The following GABRG3 variants were observed in gnomAD, a reference collection of about 807,000 sequenced individuals.
GABRG3 encodes gamma-aminobutyric acid type A receptor subunit gamma3.
A neutral mutation model predicts 48.8 loss-of-function variants in GABRG3; 25 were observed. The ratio of observed to expected loss-of-function variants is 0.51; its 90% CI spans 0.37 to 0.72. The LOEUF (loss-of-function observed/expected upper bound fraction) is 0.72. Ranked by LOEUF, GABRG3 falls within the 30% of genes least tolerant of loss-of-function variation. GABRG3 has a pLI of 0.00. For synonymous variants in GABRG3, 227 were observed against 217.6 expected (o/e 1.04, Z -0.38); for missense variants, 394 against 577.9 (o/e 0.68, Z 3.26).
At chr15:27,015,186 C>G (rs1038281724) in intron 2 of GABRG3, among the ~76,000 whole-genome samples, 2 of 152,076 alleles carry the variant, frequency 1.3e-5, no homozygotes, top group Admixed American at 6.6e-5. Context: ...CTCTTATAGA[C>G]AGCATACTCT....
chr15:27,408,678 G>T (rs958544443), intron 5 of GABRG3, among the ~76,000 whole-genome samples: 13 of 152,110 alleles, frequency 8.5e-5, no homozygotes, highest in African/African-American at 3.1e-4. Flanking sequence ...CGGGGTGACT[G>T]CAGAGGACAA....
At chr15:26,982,799 C>A (rs1895078496) in intron 2 of GABRG3, among the ~76,000 whole-genome samples, 1 of 152,154 alleles carries the variant, frequency 6.6e-6, no homozygotes, top group Non-Finnish European at 1.5e-5. Context: ...TTTTAACAAA[C>A]AACTAAACAT....
chr15:27,378,412 C>G (rs901567967), intron 5 of GABRG3, among the ~76,000 whole-genome samples: 29 of 152,104 alleles, frequency 1.9e-4, no homozygotes, highest in African/African-American at 6.8e-4. Context: ...CTTAGATAAT[C>G]AGGACTTTTG....
intron 6 of GABRG3, among the ~76,000 whole-genome samples, chr15:27,518,195 C>CAAAAAAAAAAAAAAAAAAAAAAA (rs58222645): frequency 1.1e-4 from 10 of 88,016 alleles, no homozygotes; most frequent in African/African-American, 4.3e-4. Flanking sequence ...ACTAAAAATA[C>CAAAAAAAAAAAAAAAAAAAAAAA]AAAAAAAAAA....
chr15:27,349,789 G>A (rs1894494247), intron 5 of GABRG3, among the ~76,000 whole-genome samples: 1 of 152,164 alleles, frequency 6.6e-6, no homozygotes, highest in Admixed American at 6.5e-5. Flanking sequence ...CATAGAGCCT[G>A]TGAATTTAGA....
intron 3 of GABRG3, among the ~76,000 whole-genome samples, chr15:27,225,432 G>T (rs1175121719): frequency 1.3e-5 from 2 of 152,094 alleles, no homozygotes; most frequent in Non-Finnish European, 2.9e-5. Context: ...TTACTTACAA[G>T]GGTGGGCTGC....
chr15:27,045,471 G>A (rs1238327138), intron 3 of GABRG3, among the ~76,000 whole-genome samples: 3 of 152,262 alleles, frequency 2.0e-5, no homozygotes, highest in African/African-American at 7.2e-5. Context: ...CCTTTCCGGT[G>A]TGCACCCAGC....
In GABRG3 at chr15:27,241,819, C is replaced by T. The variant is rs187021929; in HGVS notation, c.271-84990C>T. On this transcript the variant is annotated intron_variant, in intron 3 of 9. Coordinates refer to ENST00000615808, the MANE Select transcript of GABRG3 (RefSeq NM_033223.5). ...TTTCACTGTCATATGACATTATTGA[C>T]TTTGTGTTCTTTTAGTTTTTCTCAT... is the stretch of plus-strand genomic sequence containing the variant. Among the ~76,000 whole-genome samples, 556 of 152,272 alleles carry T rather than the reference C, an allele frequency of 3.7e-3. 3 individuals are homozygous for T. Among genetic ancestry groups the T allele is most frequent in the Non-Finnish European group, 5.1e-3 (348 of 68,022 alleles).
At chr15:27,029,715 T>A (rs1896049753) in intron 3 of GABRG3, among the ~76,000 whole-genome samples, 3 of 152,160 alleles carry the variant, frequency 2.0e-5, no homozygotes, top group Admixed American at 2.0e-4. Flanking sequence ...GTGGGGCAAG[T>A]CTGTGGATGA....
intron 3 of GABRG3, among the ~76,000 whole-genome samples, chr15:27,063,461 C>T (rs914961634): frequency 6.6e-6 from 1 of 152,190 alleles, no homozygotes; most frequent in Admixed American, 6.5e-5. Context: ...GATGAGTGAG[C>T]TCTAGCTCTG....
At chr15:27,314,040 T>C (rs2140509581) in intron 3 of GABRG3, among the ~76,000 whole-genome samples, 1 of 151,588 alleles carries the variant, frequency 6.6e-6, no homozygotes, top group Non-Finnish European at 1.5e-5. Context: ...TTTCAAAAGA[T>C]AAACAAAATT....
intron 3 of GABRG3, among the ~76,000 whole-genome samples, chr15:27,079,499 T>A (rs1896958617): frequency 6.6e-6 from 1 of 151,990 alleles, no homozygotes; most frequent in Non-Finnish European, 1.5e-5. Context: ...GGAGTGTGTG[T>A]GTTGGGAGTG....
rs1284738498 is a variant in GABRG3 at position 27,535,074 on chromosome 15, A to C, written c.*2193A>C. On this transcript the variant is annotated 3_prime_UTR_variant, in exon 10 of 10. Transcript: ENST00000615808. The stretch of plus-strand genomic sequence containing the variant: ...GCATAAGCAACCCCCGCCTTGGCAG[A>C]AGTATTCTGCAAGGACCCTGACCAA... The C allele has an allele frequency of 6.6e-6, 1 of 152,234 alleles. No homozygotes were observed. The highest frequency in any genetic ancestry group is 1.5e-5 in the Non-Finnish European group (1 of 68,064). The allele number at this position is 152,234 out of a possible 1,614,324, so 9.4% of individuals were successfully genotyped here. A position where few individuals can be genotyped will look rare whatever the true frequency, so the allele number is the denominator to read the frequency against.
At chr15:27,426,185 A>G (rs1207029681) in intron 5 of GABRG3, among the ~76,000 whole-genome samples, 1 of 152,224 alleles carries the variant, frequency 6.6e-6, no homozygotes, top group African/African-American at 2.4e-5. Context: ...TCCTCCCCAC[A>G]GAAAGAGAAG....
chr15:27,368,526 A>G (rs1424698649), intron 5 of GABRG3, among the ~76,000 whole-genome samples: 2 of 152,236 alleles, frequency 1.3e-5, no homozygotes, highest in African/African-American at 4.8e-5. Context: ...ATTCTGTCCA[A>G]GGTGCATAGT....
chr15:27,405,690 A>AT (rs137944844), intron 5 of GABRG3, among the ~76,000 whole-genome samples: 8 of 151,962 alleles, frequency 5.3e-5, no homozygotes, highest in Non-Finnish European at 7.4e-5. Context: ...ATAATGGTTG[A>AT]TTTTTTTCTG....
chr15:27,388,087 GAGGGAGGAAAGGGAGGGAGGGAA>G (rs1896015389), intron 5 of GABRG3, among the ~76,000 whole-genome samples: 1 of 49,796 alleles, frequency 2.0e-5, no homozygotes, highest in Admixed American at 1.8e-4. Context: ...GGAAGGAAAG[GAGGGAGGAAAGGGAGGGAGGGAA>G]AAGAAGGAAG....
intron 5 of GABRG3, among the ~76,000 whole-genome samples, chr15:27,382,248 A>G (rs1361618846): frequency 1.3e-5 from 2 of 152,232 alleles, no homozygotes; most frequent in Non-Finnish European, 2.9e-5. Flanking sequence ...TGTTGATGCC[A>G]TATTCTAGGT....
intron 2 of GABRG3, among the ~76,000 whole-genome samples, chr15:26,988,716 CTCTTTTTATGATTG>C (rs1895195020): frequency 1.3e-5 from 2 of 151,914 alleles, no homozygotes; most frequent in Admixed American, 6.6e-5. Context: ...CTCCTTTCCC[CTCTTTTTATGATTG>C]TCTTCCTTTA....
Sources: allele counts gnomAD v4.1 joint callset (sites outside exome capture counted in the v4.1 genomes callset), GRCh38; gene constraint gnomAD v4.1.1; transcripts MANE v1.5; gene names NCBI Gene and HGNC (gene_info 2026-07-23, HGNC 2026-07-21).